Variants in TBX18 observed in about 807,000 individuals in gnomAD.
TBX18 encodes T-box transcription factor 18.
TBX18 carries 21 observed loss-of-function variants against 55.0 expected under a neutral mutation model. The observed-to-expected ratio is 0.38, with a 90% confidence interval of 0.27 to 0.55. The LOEUF is 0.55. Among genes scored for constraint, TBX18 ranks in the 20% least tolerant of loss-of-function variants. The pLI is 0.73. For synonymous variants in TBX18, 342 were observed against 326.1 expected (o/e 1.05, Z -0.53); for missense variants, 840 against 799.6 (o/e 1.05, Z -0.61).
At chr6:84,761,547 G>C (rs1356900764) in intron 2 of TBX18, among the ~76,000 whole-genome samples, 1 of 152,074 alleles carries the variant, frequency 6.6e-6, no homozygotes, top group Admixed American at 6.5e-5. Flanking sequence ...AATAAAATAT[G>C]TTTTTTTGTA....
chr6:84,760,431 GA>G, intron 2 of TBX18, 75 bp from the exon 3 acceptor site: 1 of 916,360 alleles, frequency 1.1e-6, no homozygotes, highest in South Asian at 1.8e-5. Context: ...AATAAGCAAA[GA>G]AACCTCTTGG....
chr6:84,736,962 C>A lies in TBX18; in HGVS notation c.1547G>T (p.Gly516Val). 1 of 1,609,028 alleles carries A rather than the reference C, an allele frequency of 6.2e-7. No individual in the cohort carries two copies. The highest frequency in any genetic ancestry group is 8.5e-7 in the Non-Finnish European group (1 of 1,177,008). The change falls in exon 8 of 8, where the codon GGT becomes GTT. Residue 516 changes from glycine (G) to valine (V), a missense_variant. Coordinates refer to ENST00000369663, the MANE Select transcript of TBX18 (RefSeq NM_001080508.3). ...NAFATNQTHQ[G>V]SYNTFRLHSP... ...GTGTAATCTAAAAGTATTATAGGAA[C>A]CCTGATGGGTCTGGTTAGTGGCGAA...
intron 2 of TBX18, among the ~76,000 whole-genome samples, chr6:84,762,334 G>C (rs1218481290): frequency 6.6e-6 from 1 of 152,206 alleles, no homozygotes; most frequent in Non-Finnish European, 1.5e-5. Context: ...TTCAACCAGA[G>C]GGCAGTTGGA....
chr6:84,764,215 A>T lies in TBX18; in HGVS notation c.-34T>A. 7.5e-7 allele frequency: 1 copy of T among 1,332,700 alleles called. No homozygotes were observed. Among genetic ancestry groups the T allele is most frequent in the Non-Finnish European group, 9.5e-7 (1 of 1,055,756 alleles). 82.6% of individuals were successfully genotyped at this position (1,332,700 alleles called of 1,614,324 possible). A position where few individuals can be genotyped will look rare whatever the true frequency, so the allele number is the denominator to read the frequency against. ...CCCCGCGCCCGCCCGCCCCTCTCTC[A>T]TATACACTCACGCGGGCACACGCGC... On this transcript the variant is annotated 5_prime_UTR_variant, in exon 1 of 8. An upstream start codon of the reference 5' UTR is lost. Coordinates refer to ENST00000369663, the MANE Select transcript of TBX18 (RefSeq NM_001080508.3).
rs1582058399 is a variant in TBX18, at chr6:84,733,847, T to C, written c.*2838A>G. 6.6e-6 allele frequency: 1 copy of C among 152,162 alleles called. No homozygotes were observed. The highest frequency in any genetic ancestry group is 2.1e-4 in the South Asian group (1 of 4,828). The allele number at this position is 152,162 out of a possible 1,614,324, so 9.4% of individuals were successfully genotyped here. On this transcript the variant is annotated 3_prime_UTR_variant, in exon 8 of 8. Coordinates refer to ENST00000369663, the MANE Select transcript of TBX18 (RefSeq NM_001080508.3). ...TTTTCCTCAAAATTTTGCTAATTGA[T>C]GTAAAGAGTGAGTATGATCCTTCCT... is the stretch of plus-strand genomic sequence containing the variant.
chr6:84,761,809 C>T (rs571938409), intron 2 of TBX18, among the ~76,000 whole-genome samples: 1 of 152,178 alleles, frequency 6.6e-6, no homozygotes, highest in East Asian at 1.9e-4. Flanking sequence ...TTTAAAAAAC[C>T]GATGTACCTT....
Position 84,764,099 on chromosome 6 carries a change from G to T in TBX18, c.83C>A (p.Ala28Asp). ...HAFSVEALIGAEKQQQLQKKR... is the reference protein window; with the variant it reads ...HAFSVEALIGDEKQQQLQKKR... ...CTTCTGAAGCTGTTGCTGCTTCTCG[G>T]CGCCGATCAGCGCCTCCACCGAGAA... The change falls in exon 1 of 8, where the codon GCC becomes GAC. Residue 28 changes from alanine to aspartate, a missense_variant. Physicochemically the swap from Ala to Asp is moderately radical, Grantham distance 126 (BLOSUM62 -2). Coordinates refer to ENST00000369663, the MANE Select transcript of TBX18 (RefSeq NM_001080508.3). 6.3e-7 allele frequency: 1 copy of T among 1,585,288 alleles called. No individual in the cohort carries two copies. Among genetic ancestry groups the T allele is most frequent in the Non-Finnish European group, 8.5e-7 (1 of 1,172,300 alleles).
At chr6:84,759,727 G>A (rs2127881143) in intron 3 of TBX18, among the ~76,000 whole-genome samples, 1 of 151,722 alleles carries the variant, frequency 6.6e-6, no homozygotes, top group South Asian at 2.1e-4. Context: ...GTTTAGTGAT[G>A]TCTTAATATC....
In TBX18 at chr6:84,737,390, G is replaced by A. The variant is rs1188518974; in HGVS notation, c.1119C>T (p.Thr373=). The A allele has an allele frequency of 6.6e-7, 1 of 1,516,970 alleles. No homozygotes were observed. The highest frequency in any genetic ancestry group is 8.8e-7 in the Non-Finnish European group (1 of 1,132,712). The allele number at this position is 1,516,970 out of a possible 1,614,324, so 94.0% of individuals were successfully genotyped here. The change falls in exon 8 of 8, where the codon ACC becomes ACT. Residue 373 remains threonine, a synonymous_variant. Coordinates refer to ENST00000369663, the MANE Select transcript of TBX18 (RefSeq NM_001080508.3). ...IPKQGNASSS[T]LLQGTGNGVP... ...CGCCATTCCCAGTACCTTGGAGCAAGGTGGAGGAACTTGCATTGCCTACAA... is the reference window on the plus strand; with the variant it reads ...CGCCATTCCCAGTACCTTGGAGCAAAGTGGAGGAACTTGCATTGCCTACAA...
chr6:84,742,707 A>G (rs747298768), intron 6 of TBX18, among the ~76,000 whole-genome samples: 2 of 152,132 alleles, frequency 1.3e-5, no homozygotes, highest in African/African-American at 4.8e-5. Flanking sequence ...TTCAAGCCTG[A>G]GTATTTCTCT....
At chr6:84,756,206 T>A (rs1186555752) in intron 4 of TBX18, among the ~76,000 whole-genome samples, 3 of 152,258 alleles carry the variant, frequency 2.0e-5, no homozygotes, top group Non-Finnish European at 4.4e-5. Context: ...AAGGAATGAT[T>A]GTTGTAACAT....
chr6:84,740,429 T>C (rs1403002441), intron 6 of TBX18, among the ~76,000 whole-genome samples: 1 of 152,194 alleles, frequency 6.6e-6, no homozygotes, highest in Non-Finnish European at 1.5e-5. Flanking sequence ...AATCCTAACA[T>C]TGTTTCATTC....
intron 2 of TBX18, among the ~76,000 whole-genome samples, chr6:84,761,899 T>C (rs1767657054): frequency 6.6e-6 from 1 of 152,170 alleles, no homozygotes; most frequent in Admixed American, 6.5e-5. Context: ...AATAAATAAA[T>C]AACCAGGTAC....
intron 4 of TBX18, among the ~76,000 whole-genome samples, chr6:84,750,582 T>A (rs372612864): frequency 5.8e-4 from 88 of 152,132 alleles, no homozygotes; most frequent in African/African-American, 2.0e-3. Flanking sequence ...AAAACTAAGG[T>A]CTACACAAGC....
In TBX18 at chr6:84,744,455, C is replaced by T. The variant is rs995475881; in HGVS notation, c.940-130G>A. Reference sequence around the variant, plus strand: ...TATTGTATAAGCCTCTTTTATTCCCCAAGTATTTTAATATCCTAGCAGTAA... The same window carrying T: ...TATTGTATAAGCCTCTTTTATTCCCTAAGTATTTTAATATCCTAGCAGTAA... On this transcript the variant is annotated intron_variant, in intron 5 of 7. Coordinates refer to ENST00000369663, the MANE Select transcript of TBX18 (RefSeq NM_001080508.3). 4 of 658,358 alleles carry T rather than the reference C, an allele frequency of 6.1e-6. No individual in the cohort carries two copies. The Admixed American group carries it at 1.3e-4, about 21-fold the overall frequency. 40.8% of individuals were successfully genotyped at this position (658,358 alleles called of 1,614,324 possible).
rs1334925693 is a variant in TBX18 at position 84,735,532 on chromosome 6, C to T, written c.*1153G>A. 6.6e-6 allele frequency: 1 copy of T among 152,096 alleles called. No individual in the cohort carries two copies. Among genetic ancestry groups the T allele is most frequent in the Non-Finnish European group, 1.5e-5 (1 of 68,028 alleles). 9.4% of individuals were successfully genotyped at this position (152,096 alleles called of 1,614,324 possible). ...GAGATAACCTACTGAAATTCCTCAC[C>T]GTGTTATTTAACACCATACAGGCCT... is the stretch of plus-strand genomic sequence containing the variant. On this transcript the variant is annotated 3_prime_UTR_variant, in exon 8 of 8. Transcript: ENST00000369663.
intron 6 of TBX18, chr6:84,741,689 T>C (rs1175017435): frequency 1.3e-5 from 2 of 152,200 alleles, no homozygotes; most frequent in Non-Finnish European, 2.9e-5. Flanking sequence ...ATAGAATTTG[T>C]TTTAAAAACC....
intron 3 of TBX18, 136 bp downstream of exon 3, chr6:84,760,119 T>C (rs1219873994): frequency 4.4e-6 from 2 of 459,530 alleles, no homozygotes; most frequent in African/African-American, 2.0e-5. Flanking sequence ...CTGGCACCCA[T>C]GGGCGTTAAA....
chr6:84,749,391 G>T (rs1767280113), intron 4 of TBX18, among the ~76,000 whole-genome samples: 1 of 152,164 alleles, frequency 6.6e-6, no homozygotes, highest in Admixed American at 6.5e-5. Context: ...TATTTGGTCA[G>T]CCCAAACACA....
Sources: allele counts gnomAD v4.1 joint callset (sites outside exome capture counted in the v4.1 genomes callset), GRCh38; gene constraint gnomAD v4.1.1; transcripts MANE v1.5; gene names NCBI Gene and HGNC (gene_info 2026-07-23, HGNC 2026-07-21).